CSTA: variants seen among roughly 807,000 people sequenced by gnomAD.
CSTA encodes cystatin-A.
CSTA carries 9 observed loss-of-function variants against 9.2 expected under a neutral mutation model. The ratio of observed to expected loss-of-function variants is 0.97; its 90% CI spans 0.59 to 1.70. The LOEUF is 1.70. Among genes scored for constraint, CSTA ranks in the 40% most tolerant of loss-of-function variants. The pLI, the probability that CSTA is intolerant of heterozygous loss-of-function variation, is 0.00. For missense variants in CSTA, 118 were observed against 113.1 expected (o/e 1.04, Z -0.20); for synonymous variants, 36 against 40.6 (o/e 0.89, Z 0.43).
At chr3:122,331,441 A>G (rs2075204341) in intron 1 of CSTA, among the ~76,000 whole-genome samples, 2 of 152,210 alleles carry the variant, frequency 1.3e-5, no homozygotes, top group Middle Eastern at 3.4e-3. Context: ...GCCCAGGCCC[A>G]CTGAGTCTCT....
intron 1 of CSTA, among the ~76,000 whole-genome samples, chr3:122,332,541 G>A (rs1159685649): frequency 6.6e-6 from 1 of 152,114 alleles, no homozygotes; most frequent in Non-Finnish European, 1.5e-5. Flanking sequence ...TACAGATTAG[G>A]GGAAAAGCCT....
intron 2 of CSTA, among the ~76,000 whole-genome samples, chr3:122,340,080 T>G (rs1576220630): frequency 6.6e-6 from 1 of 152,238 alleles, no homozygotes; most frequent in Non-Finnish European, 1.5e-5. Flanking sequence ...TCATAGTGTC[T>G]GGCTCACAGT....
intron 1 of CSTA, among the ~76,000 whole-genome samples, chr3:122,329,553 G>A (rs370979915): frequency 1.3e-5 from 2 of 152,190 alleles, no homozygotes; most frequent in South Asian, 2.1e-4. Flanking sequence ...CCAACAAAGC[G>A]AGACTCTGTT....
chr3:122,326,084 T>A (rs2107664346), intron 1 of CSTA, among the ~76,000 whole-genome samples: 1 of 152,348 alleles, frequency 6.6e-6, no homozygotes, highest in East Asian at 1.9e-4. Context: ...AATGGTCTGA[T>A]CACGGCTCAC....
chr3:122,329,018 T>G (rs986089580), intron 1 of CSTA, among the ~76,000 whole-genome samples: 4 of 149,738 alleles, frequency 2.7e-5, no homozygotes, highest in African/African-American at 9.8e-5. Flanking sequence ...CAGGCTGGAG[T>G]GCGGTGGCAC....
chr3:122,338,462 T>C (rs2075247617), intron 2 of CSTA, among the ~76,000 whole-genome samples: 1 of 151,016 alleles, frequency 6.6e-6, no homozygotes, highest in Admixed American at 6.7e-5. Flanking sequence ...AACAAATATT[T>C]CTATTAAAAT....
At chr3:122,326,092 C>T (rs1459014270) in intron 1 of CSTA, among the ~76,000 whole-genome samples, 1 of 152,130 alleles carries the variant, frequency 6.6e-6, no homozygotes, top group Non-Finnish European at 1.5e-5. Flanking sequence ...GATCACGGCT[C>T]ACTGTAGCCT....
At chr3:122,327,843 A>C (rs74575004) in intron 1 of CSTA, among the ~76,000 whole-genome samples, 2,689 of 152,296 alleles carry the variant, frequency 0.018, 75 homozygotes, top group African/African-American at 0.062. Flanking sequence ...AATTTTAATG[A>C]TTTTTAAAAA....
intron 1 of CSTA, among the ~76,000 whole-genome samples, chr3:122,331,094 G>A (rs1199876005): frequency 7.0e-6 from 1 of 142,022 alleles, no homozygotes; most frequent in African/African-American, 2.6e-5. Context: ...CAATGTGCAT[G>A]CACACAACAA....
rs1033807736 is a variant in CSTA, at chr3:122,326,313, G to A, written c.66+955G>A. Among the ~76,000 whole-genome samples, 7 of 152,116 alleles carry A rather than the reference G, an allele frequency of 4.6e-5. 1 individual carries two copies. The highest frequency in any genetic ancestry group is 4.1e-4 in the South Asian group (2 of 4,830). On this transcript the variant is annotated intron_variant, in intron 1 of 2. Coordinates refer to ENST00000264474, the MANE Select transcript of CSTA (RefSeq NM_005213.4). ...CCCAAAGTATTGGGATTACAGGCGT[G>A]AGCCACCACACCCATCCCTGATATA...
chr3:122,337,466 A>G lies in CSTA; in HGVS notation c.67-81A>G, dbSNP rs1037389454. 6.8e-5 allele frequency: 61 copies of G among 896,596 alleles called. 1 individual carries two copies. The highest frequency in any genetic ancestry group is 6.6e-4 in the South Asian group (48 of 72,188). 55.5% of individuals were successfully genotyped at this position (896,596 alleles called of 1,614,324 possible). A position where few individuals can be genotyped will look rare whatever the true frequency, so the allele number is the denominator to read the frequency against. Reference sequence around the variant, plus strand: ...ACCATCTTTGAAGACTTTTAGGAGGATGAGGTTCCCAGATGGGTACATTGC... The same window carrying G: ...ACCATCTTTGAAGACTTTTAGGAGGGTGAGGTTCCCAGATGGGTACATTGC... On this transcript the variant is annotated intron_variant, in intron 1 of 2. Transcript: ENST00000264474.
In CSTA at chr3:122,325,383, A is replaced by G. The variant is rs538449347; in HGVS notation, c.66+25A>G. The G allele has an allele frequency of 2.5e-6, 4 of 1,609,670 alleles. No homozygotes were observed. In the Admixed American group the frequency reaches 6.7e-5, roughly 27 times the overall value. On this transcript the variant is annotated intron_variant, in intron 1 of 2. Coordinates refer to ENST00000264474, the MANE Select transcript of CSTA (RefSeq NM_005213.4). ...GGTGAGTTGATGCCATTCAGGAAAAAGTCTGAGCCAAAATCTTGATTCATA... is the reference window on the plus strand; with the variant it reads ...GGTGAGTTGATGCCATTCAGGAAAAGGTCTGAGCCAAAATCTTGATTCATA...
intron 2 of CSTA, 129 bp downstream of exon 2, chr3:122,337,777 C>T: frequency 2.6e-6 from 2 of 774,236 alleles, no homozygotes; most frequent in South Asian, 3.0e-5. Flanking sequence ...AGCATGATTC[C>T]TTCCAAGTGG....
chr3:122,333,575 G>GAAAGAAAGAAAGAAAT (rs1376935843), intron 1 of CSTA, among the ~76,000 whole-genome samples: 1 of 128,424 alleles, frequency 7.8e-6, no homozygotes, highest in African/African-American at 3.2e-5. Context: ...AAGAAAGAAA[G>GAAAGAAAGAAAGAAAT]AAAGAAAGAA....
In CSTA at chr3:122,328,560, A is replaced by C. The variant is rs370052116; in HGVS notation, c.66+3202A>C. Among the ~76,000 whole-genome samples the C allele has an allele frequency of 1.4e-4, 21 of 150,534 alleles. No homozygotes were observed. In the South Asian group the frequency reaches 2.3e-3, roughly 17 times the overall value. On this transcript the variant is annotated intron_variant, in intron 1 of 2. Transcript: ENST00000264474. ...GAAGTTAGCTCACCCCCAGTGTTTGACTGCCTGCCCTCTCTACCACACAGT... is the reference window on the plus strand; with the variant it reads ...GAAGTTAGCTCACCCCCAGTGTTTGCCTGCCTGCCCTCTCTACCACACAGT...
intron 2 of CSTA, chr3:122,338,378 A>G (rs954462123): frequency 1.3e-5 from 2 of 152,174 alleles, no homozygotes; most frequent in Admixed American, 6.5e-5. Flanking sequence ...AAAAATAAAA[A>G]CAAATATTCA....
intron 1 of CSTA, among the ~76,000 whole-genome samples, chr3:122,332,033 G>A (rs767138211): frequency 4.6e-5 from 7 of 152,136 alleles, no homozygotes; most frequent in Non-Finnish European, 5.9e-5. Context: ...TAATGCTGCC[G>A]CTAATCTGAC....
chr3:122,332,627 C>A (rs1045374731), intron 1 of CSTA, among the ~76,000 whole-genome samples: 2 of 152,162 alleles, frequency 1.3e-5, no homozygotes, highest in African/African-American at 4.8e-5. Context: ...TGCTCAGTAG[C>A]AATGAGAAAT....
intron 2 of CSTA, among the ~76,000 whole-genome samples, chr3:122,340,237 A>G (rs191208286): frequency 2.7e-3 from 408 of 152,300 alleles, no homozygotes; most frequent in Non-Finnish European, 3.7e-3. Context: ...TCTCAGATTC[A>G]TGTCCAAACT....
Sources: allele counts gnomAD v4.1 joint callset (sites outside exome capture counted in the v4.1 genomes callset), GRCh38; gene constraint gnomAD v4.1.1; transcripts MANE v1.5; gene names NCBI Gene and HGNC (gene_info 2026-07-23, HGNC 2026-07-21).